Variants in FERMT1 observed in about 807,000 individuals in gnomAD.
FERMT1 encodes FERM domain containing kindlin 1.
A neutral mutation model predicts 85.3 loss-of-function variants in FERMT1; 60 were observed. The ratio of observed to expected loss-of-function variants is 0.70; its 90% CI spans 0.57 to 0.87. The LOEUF is 0.87. Among genes scored for constraint, FERMT1 ranks in the 40% least tolerant of loss-of-function variants. FERMT1 has a pLI of 0.00. For missense variants in FERMT1, 701 were observed against 818.9 expected, an observed-to-expected ratio of 0.86 and a Z score of 1.76; for synonymous variants, 275 against 301.1, an observed-to-expected ratio of 0.91 and a Z score of 0.90.
intron 2 of FERMT1, among the ~76,000 whole-genome samples, chr20:6,118,626 G>A (rs532470643): frequency 1.3e-3 from 202 of 152,326 alleles, no homozygotes; most frequent in Middle Eastern, 3.4e-3. Flanking sequence ...GAAGGCAAAA[G>A]AAGCACAAAG....
rs550863008 is a variant in FERMT1, at chr20:6,115,956, A to G, written c.240T>C (p.Tyr80=). 1.5e-5 allele frequency: 24 copies of G among 1,613,956 alleles called. No individual in the cohort carries two copies. In the East Asian group the frequency reaches 4.9e-4, roughly 33 times the overall value. The change falls in exon 3 of 15, where the codon TAT becomes TAC. Residue 80 remains tyrosine (Y), a synonymous_variant. Coordinates refer to ENST00000217289, the MANE Select transcript of FERMT1 (RefSeq NM_017671.5). ...LLKTHWTLDK[Y]GVQADAKLLF... is the part of the protein sequence containing the mutation. ...GAAGCTTTGCATCTGCCTGGACCCCATATTTGTCCAGGGTCCAGTGGGTTT... is the reference window on the plus strand; with the variant it reads ...GAAGCTTTGCATCTGCCTGGACCCCGTATTTGTCCAGGGTCCAGTGGGTTT...
intron 6 of FERMT1, among the ~76,000 whole-genome samples, chr20:6,105,945 T>G (rs1440985658): frequency 1.3e-5 from 2 of 152,090 alleles, no homozygotes; most frequent in Admixed American, 1.3e-4. Context: ...TACAACAAGA[T>G]AGCTTAAATT....
chr20:6,088,393 T>C (rs1336475241), intron 10 of FERMT1, among the ~76,000 whole-genome samples: 1 of 152,192 alleles, frequency 6.6e-6, no homozygotes, highest in Non-Finnish European at 1.5e-5. Context: ...TCATGTGCTA[T>C]ACTCTTGGAC....
chr20:6,105,691 T>C (rs567308991), intron 6 of FERMT1, among the ~76,000 whole-genome samples: 3 of 152,368 alleles, frequency 2.0e-5, no homozygotes, highest in Non-Finnish European at 4.4e-5. Context: ...TTTTATCTCA[T>C]TAATTTGAAA....
chr20:6,106,099 G>C (rs781199012), intron 6 of FERMT1, among the ~76,000 whole-genome samples: 2 of 152,034 alleles, frequency 1.3e-5, no homozygotes, highest in Non-Finnish European at 2.9e-5. Context: ...ATTCACAGTA[G>C]AGTTAAAAAA....
At chr20:6,115,022 G>GCC (rs1983059500) in intron 3 of FERMT1, among the ~76,000 whole-genome samples, 2 of 152,176 alleles carry the variant, frequency 1.3e-5, no homozygotes, top group African/African-American at 4.8e-5. Context: ...CTGGGACACA[G>GCC]TAGGTGCTCA....
At chr20:6,082,025 G>A (rs1212878931) in intron 13 of FERMT1, among the ~76,000 whole-genome samples, 1 of 152,070 alleles carries the variant, frequency 6.6e-6, no homozygotes, top group African/African-American at 2.4e-5. Context: ...AGGTCTCTCG[G>A]GTGTGGGCAG....
At chr20:6,085,366 AC>A (rs1568654826) in intron 11 of FERMT1, 79 bp from the exon 12 acceptor site, 2 of 1,297,620 alleles carry the variant, frequency 1.5e-6, no homozygotes, top group Non-Finnish European at 2.2e-6. Context: ...TGGGCTTTCT[AC>A]CCCATTACAG....
Position 6,110,344 on chromosome 20 carries a change from T to C in FERMT1, c.700A>G (p.Met234Val), listed in dbSNP as rs1555800908. Residue 234 changes from methionine to valine, a missense_variant, in exon 5 of 15, where the codon ATG (methionine) becomes GTG (valine). Physicochemically the swap from Met to Val is conservative, Grantham distance 21. Coordinates refer to ENST00000217289, the MANE Select transcript of FERMT1 (RefSeq NM_017671.5). ...PPQSPEALAD[M>V]YQPRSLVDKA... ...TCAACCAGAGACCGAGGCTGGTACA[T>C]ATCCGCAAGTGCTTCTGGGGACTGG... 3.1e-6 allele frequency: 5 copies of C among 1,613,728 alleles called. No individual in the cohort carries two copies.
intron 6 of FERMT1, among the ~76,000 whole-genome samples, chr20:6,101,337 G>GTTTA (rs1313986193): frequency 6.6e-6 from 1 of 152,110 alleles, no homozygotes; most frequent in Non-Finnish European, 1.5e-5. Context: ...ATAAACTACA[G>GTTTA]TTTATTTAGC....
chr20:6,112,364 T>A, intron 4 of FERMT1, 113 bp downstream of exon 4: 1 of 1,077,908 alleles, frequency 9.3e-7, no homozygotes, highest in South Asian at 1.3e-5. Context: ...CCTCATCACA[T>A]CAGTTCTGCA....
intron 9 of FERMT1, among the ~76,000 whole-genome samples, chr20:6,092,901 C>T (rs938673264): frequency 6.6e-6 from 1 of 151,994 alleles, no homozygotes; most frequent in Admixed American, 6.6e-5. Flanking sequence ...TGCCTCATTT[C>T]CTGTAAGTTG....
At chr20:6,120,919 G>A (rs191089847) in intron 1 of FERMT1, among the ~76,000 whole-genome samples, 3 of 152,202 alleles carry the variant, frequency 2.0e-5, no homozygotes, top group Non-Finnish European at 1.5e-5. Flanking sequence ...AATATCCGAG[G>A]AACATTACTT....
In FERMT1 at chr20:6,104,378, T is replaced by C. The variant is rs151201724; in HGVS notation, c.849+3154A>G. 2.3e-3 allele frequency among the ~76,000 whole-genome samples: 353 copies of C among 152,318 alleles called. No individual in the cohort carries two copies. Among genetic ancestry groups the C allele is most frequent in the African/African-American group, 8.3e-3 (343 of 41,572 alleles). On this transcript the variant is annotated intron_variant, in intron 6 of 14. Transcript: ENST00000217289. This position sits in a 1 kb window ranked among gnomAD's most constrained non-coding sequence, Gnocchi z 4.2. ...TGGGTGTTCTTTCTTCTTCTTAGAT[T>C]TGATTGTAGCTGCCACGAGAACACA... is the stretch of plus-strand genomic sequence containing the variant.
At chr20:6,107,784 C>T in intron 5 of FERMT1, 150 bp from the exon 6 acceptor site, 1 of 561,708 alleles carries the variant, frequency 1.8e-6, no homozygotes, top group South Asian at 2.0e-5. Context: ...ATTTGAAAAT[C>T]TGAAATTCTC....
At chr20:6,085,419 C>T (rs762417399) in intron 11 of FERMT1, 132 bp from the exon 12 acceptor site, 168 of 766,438 alleles carry the variant, frequency 2.2e-4, no homozygotes, top group Non-Finnish European at 3.2e-4. Flanking sequence ...AAGTGGCACA[C>T]GTTGTGAGTG....
chr20:6,110,325 A>C lies in FERMT1; in HGVS notation c.719T>G (p.Leu240Arg). 6.2e-7 allele frequency: 1 copy of C among 1,613,242 alleles called. No individual in the cohort carries two copies. Among genetic ancestry groups the C allele is most frequent in the Non-Finnish European group, 8.5e-7 (1 of 1,179,828 alleles). The stretch of plus-strand genomic sequence containing the variant: ...TGCATTGAGCTTGGCTTTATCAACC[A>C]GAGACCGAGGCTGGTACATATCCGC... ...ALADMYQPRSLVDKAKLNAGW... is the reference protein window; with the variant it reads ...ALADMYQPRSRVDKAKLNAGW... Residue 240 changes from leucine (L) to arginine (R), a missense_variant, in exon 5 of 15, where the codon CTG becomes CGG. Leu to Arg is a moderately radical substitution (Grantham distance 102). Transcript: ENST00000217289.
intron 13 of FERMT1, among the ~76,000 whole-genome samples, chr20:6,083,428 T>C (rs1361711905): frequency 6.6e-6 from 1 of 152,068 alleles, no homozygotes; most frequent in Non-Finnish European, 1.5e-5. Context: ...CTGATAAACC[T>C]GGGTAGAAAT....
chr20:6,085,751 G>A (rs1401099501), intron 11 of FERMT1, among the ~76,000 whole-genome samples: 1 of 151,966 alleles, frequency 6.6e-6, no homozygotes, highest in East Asian at 1.9e-4. Flanking sequence ...TTGGGAGGCT[G>A]AAGCAGGAGA....
Sources: allele counts gnomAD v4.1 joint callset (sites outside exome capture counted in the v4.1 genomes callset), GRCh38; gene constraint gnomAD v4.1.1; non-coding constraint Gnocchi (gnomAD v3.1); transcripts MANE v1.5; gene names NCBI Gene and HGNC (gene_info 2026-07-23, HGNC 2026-07-21).